The following SP2 variants were observed in gnomAD, a reference collection of about 807,000 sequenced individuals.
SP2 encodes Sp2 transcription factor.
SP2 carries 9 observed loss-of-function variants against 50.1 expected under a neutral mutation model. The observed-to-expected ratio is 0.18, with a 90% CI of 0.11 to 0.31. SP2 has a LOEUF of 0.31. Ranked by LOEUF, SP2 falls within the 10% of genes least tolerant of loss-of-function variation. The pLI, the probability that SP2 is intolerant of heterozygous loss-of-function variation, is 1.00. For synonymous variants in SP2, 313 were observed against 326.6 expected, an observed-to-expected ratio of 0.96 and a Z score of 0.45; for missense variants, 581 against 806.5, an observed-to-expected ratio of 0.72 and a Z score of 3.39.
chr17:47,896,425 T>A, intron 1 of SP2, 132 bp downstream of exon 1: 5 of 681,866 alleles, frequency 7.3e-6, no homozygotes, highest in South Asian at 1.5e-4. Context: ...GGGCCCGGCT[T>A]CAGGAGGGGC....
intron 1 of SP2, among the ~76,000 whole-genome samples, chr17:47,913,647 A>T (rs955118495): frequency 2.0e-5 from 3 of 152,144 alleles, no homozygotes; most frequent in African/African-American, 7.2e-5. Context: ...GGTTCAAGCG[A>T]TCTTCCCACC....
intron 1 of SP2, among the ~76,000 whole-genome samples, chr17:47,907,577 A>G (rs974067425): frequency 2.5e-4 from 38 of 152,318 alleles, no homozygotes; most frequent in African/African-American, 8.9e-4. Context: ...TATAACTTTG[A>G]AAGCAATGCA....
At chr17:47,925,633 C>A in intron 6 of SP2, 92 bp downstream of exon 6, 2 of 1,025,250 alleles carry the variant, frequency 2.0e-6, no homozygotes, top group Non-Finnish European at 1.5e-6. Flanking sequence ...GCAACATTGA[C>A]ACTCCTGGAA....
chr17:47,897,969 G>A (rs1316053956), intron 1 of SP2: 21 of 698,140 alleles, frequency 3.0e-5, no homozygotes, highest in Non-Finnish European at 3.5e-5. Flanking sequence ...GTTGTACAGA[G>A]GCTTAACCTC....
At chr17:47,926,215 C>T (rs1567705161) in intron 6 of SP2, among the ~76,000 whole-genome samples, 2 of 151,904 alleles carry the variant, frequency 1.3e-5, no homozygotes, top group Non-Finnish European at 1.5e-5. Context: ...CTGCGCCGGC[C>T]TGTTGATGCC....
At chr17:47,902,066 G>A (rs1273849304) in intron 1 of SP2, among the ~76,000 whole-genome samples, 1 of 152,184 alleles carries the variant, frequency 6.6e-6, no homozygotes, top group Non-Finnish European at 1.5e-5. Flanking sequence ...TACATAGGGT[G>A]ATCAGGGAAG....
intron 1 of SP2, among the ~76,000 whole-genome samples, chr17:47,907,579 A>G (rs1176385203): frequency 3.3e-5 from 5 of 152,226 alleles, no homozygotes; most frequent in African/African-American, 1.2e-4. Context: ...TAACTTTGAA[A>G]GCAATGCAGC....
intron 1 of SP2, chr17:47,900,507 G>A (rs1173462024): frequency 6.6e-6 from 1 of 152,236 alleles, no homozygotes; most frequent in Non-Finnish European, 1.5e-5. Flanking sequence ...GCCGGGCTGG[G>A]TGATCACGCC....
intron 6 of SP2, among the ~76,000 whole-genome samples, chr17:47,926,570 C>G (rs1376136212): frequency 1.3e-5 from 2 of 152,070 alleles, no homozygotes; most frequent in East Asian, 3.8e-4. Context: ...CTTCTGCCTC[C>G]CAAAGTGAGA....
Position 47,916,548 on chromosome 17 carries a change from C to T in SP2, c.477C>T (p.Ile159=), listed in dbSNP as rs1458674969. The T allele has an allele frequency of 1.2e-6, 2 of 1,614,178 alleles. No individual in the cohort carries two copies. The highest frequency in any genetic ancestry group is 1.7e-6 in the Non-Finnish European group (2 of 1,180,036). Residue 159 remains isoleucine, a synonymous_variant, in exon 3 of 7, where the codon ATC becomes ATT. Coordinates refer to ENST00000376741, the MANE Select transcript of SP2 (RefSeq NM_003110.6). This position sits in a 1 kb window ranked among gnomAD's most constrained non-coding sequence, Gnocchi z 4.7. Reference sequence around the variant, plus strand: ...ATCTCACCAACCAGATCCAGATCATCCCTGGCACCAACCAAGCCATCATCA... The same window carrying T: ...ATCTCACCAACCAGATCCAGATCATTCCTGGCACCAACCAAGCCATCATCA... The part of the protein sequence containing the change: ...QPNLTNQIQI[I]PGTNQAIITP...
chr17:47,925,051 G>A lies in SP2; in HGVS notation c.1505G>A (p.Arg502His), dbSNP rs2035592889. The change falls in exon 5 of 7, where the codon CGC becomes CAC. Residue 502 changes from arginine (R) to histidine (H), a missense_variant. By Grantham distance (29) the Arg-to-His change is conservative. Around this residue, in one of 2 missense-constraint regions of SP2, gnomAD observed 184 missense variants for 315.5 expected, o/e 0.58. Coordinates refer to ENST00000376741, the MANE Select transcript of SP2 (RefSeq NM_003110.6). ...ACCCAGCCCGGGGAGAAGCGGCGCCGCATGGCCTGCACGTGTCCCAACTGC... is the reference window on the plus strand; with the variant it reads ...ACCCAGCCCGGGGAGAAGCGGCGCCACATGGCCTGCACGTGTCCCAACTGC... ...GETQPGEKRR[R>H]MACTCPNCKD... The A allele has an allele frequency of 1.9e-6, 3 of 1,613,768 alleles. No homozygotes were observed. The highest frequency in any genetic ancestry group is 2.5e-6 in the Non-Finnish European group (3 of 1,179,794).
At chr17:47,903,399 C>T (rs1448891675) in intron 1 of SP2, among the ~76,000 whole-genome samples, 4 of 152,188 alleles carry the variant, frequency 2.6e-5, no homozygotes, top group Non-Finnish European at 5.9e-5. Flanking sequence ...GGCGCGGTGG[C>T]TCACGCCTGT....
intron 1 of SP2, among the ~76,000 whole-genome samples, chr17:47,897,132 A>G (rs534669014): frequency 6.6e-6 from 1 of 152,322 alleles, no homozygotes; most frequent in East Asian, 1.9e-4. Flanking sequence ...ATAAAACAAA[A>G]TAGATACTCG....
At chr17:47,896,371 G>A in intron 1 of SP2, 78 bp downstream of exon 1, 2 of 1,173,852 alleles carry the variant, frequency 1.7e-6, no homozygotes, top group Middle Eastern at 3.2e-4. Flanking sequence ...CGGGGAGAGG[G>A]AGCCGAGGCC....
intron 1 of SP2, among the ~76,000 whole-genome samples, chr17:47,912,457 T>C (rs183878870): frequency 0.027 from 4,051 of 151,790 alleles, 87 homozygotes; most frequent in South Asian, 0.043. Context: ...TTTTTTTTTT[T>C]TTATGGAGAT....
intron 1 of SP2, chr17:47,899,035 T>G (rs139867798): frequency 6.6e-6 from 1 of 152,390 alleles, no homozygotes; most frequent in Non-Finnish European, 1.5e-5. Flanking sequence ...CATTTGTTGC[T>G]TTTTTGCTTG....
intron 1 of SP2, chr17:47,899,105 C>G (rs188262071): frequency 6.6e-6 from 1 of 152,310 alleles, no homozygotes; most frequent in East Asian, 1.9e-4. Flanking sequence ...TTGTCTAGAC[C>G]TGTTGTAGGA....
chr17:47,897,945 A>G (rs935625139), intron 1 of SP2: 1 of 868,512 alleles, frequency 1.2e-6, no homozygotes, highest in South Asian at 5.3e-5. Flanking sequence ...TTCTAATTCT[A>G]GTTCTTCCTC....
chr17:47,929,620 A>G (rs1310389806), downstream of SP2: 1 of 152,696 alleles, frequency 6.5e-6, no homozygotes, highest in Non-Finnish European at 1.5e-5. Context: ...GATGCTACAA[A>G]TCTGAAATTT....
Sources: allele counts gnomAD v4.1 joint callset (sites outside exome capture counted in the v4.1 genomes callset), GRCh38; gene constraint gnomAD v4.1.1; regional missense constraint gnomAD v4.1.1; non-coding constraint Gnocchi (gnomAD v3.1); transcripts MANE v1.5; gene names NCBI Gene and HGNC (gene_info 2026-07-23, HGNC 2026-07-21).